The following UBXN6 variants were observed in gnomAD, a reference collection of about 807,000 sequenced individuals.
UBXN6 encodes the protein UBX domain-containing protein 6.
Under a neutral mutation model 51.4 loss-of-function variants are expected in UBXN6, and 44 were observed. The ratio of observed to expected loss-of-function variants is 0.86; its 90% CI spans 0.67 to 1.10. UBXN6 has a LOEUF of 1.10. UBXN6 is among the 50% of genes least tolerant of loss of function. UBXN6 has a pLI of 0.00. For missense variants in UBXN6, 672 were observed against 596.1 expected (o/e 1.13, Z -1.32); for synonymous variants, 316 against 263.2 (o/e 1.20, Z -1.94).
chr19:4,448,918 C>A (rs1974598561), intron 4 of UBXN6: 1 of 161,180 alleles, frequency 6.2e-6, no homozygotes, highest in Admixed American at 5.9e-5. Context: ...GCAGAGAGGA[C>A]ACAAATGAGT....
At chr19:4,456,134 C>T (rs892224825) in intron 1 of UBXN6, among the ~76,000 whole-genome samples, 1 of 152,004 alleles carries the variant, frequency 6.6e-6, no homozygotes, top group African/African-American at 2.4e-5. Flanking sequence ...ACCTTCCCCT[C>T]TCCGCCCAGG....
intron 2 of UBXN6, 101 bp from the exon 3 acceptor site, chr19:4,453,623 C>T (rs1599680603): frequency 2.2e-6 from 3 of 1,380,914 alleles, no homozygotes; most frequent in Admixed American, 3.9e-5. Context: ...GGGGGCCACG[C>T]ACACCGCCCC....
At chr19:4,448,066 C>T (rs1010166552) in intron 5 of UBXN6, 64 of 564,386 alleles carry the variant, frequency 1.1e-4, no homozygotes, top group Middle Eastern at 4.7e-4. Context: ...TCCACATGTT[C>T]CCCAAGGAAG....
intron 3 of UBXN6, among the ~76,000 whole-genome samples, 192 bp from the exon 4 acceptor site, chr19:4,452,684 A>G (rs1292184206): frequency 2.0e-5 from 3 of 152,190 alleles, no homozygotes; most frequent in South Asian, 2.1e-4. Flanking sequence ...TGGTATGTCA[A>G]ATGTCCCTGT....
chr19:4,457,740 GGCAC>G lies in UBXN6; in HGVS notation c.-47_-44del, dbSNP rs1974761540. 1 of 1,383,564 alleles carries G rather than the reference GGCAC, an allele frequency of 7.2e-7. No individual in the cohort carries two copies. Among genetic ancestry groups the G allele is most frequent in the African/African-American group, 1.5e-5 (1 of 66,160 alleles). The allele number at this position is 1,383,564 out of a possible 1,614,324, so 85.7% of individuals were successfully genotyped here. ...CGGCGGGGGGCCGCGGGGGCGGGGG[GGCAC>G]GGGGCCCAGTCGGGGACGGGGCCGC... On this transcript the variant is annotated 5_prime_UTR_variant, in exon 1 of 11. Coordinates refer to ENST00000301281, the MANE Select transcript of UBXN6 (RefSeq NM_025241.3).
In UBXN6 at chr19:4,447,635, G is replaced by A. The variant is rs758153656; in HGVS notation, c.540-10C>T. 6 of 1,613,824 alleles carry A rather than the reference G, an allele frequency of 3.7e-6. No individual in the cohort carries two copies. The highest frequency in any genetic ancestry group is 1.7e-5 in the Admixed American group (1 of 60,024). ...GATGTTGTCCAGGTACCTGGGGTAG[G>A]TGGAGAAGGTGAGTGGGGCACAGCC... is the stretch of plus-strand genomic sequence containing the variant. On this transcript the variant is annotated splice_polypyrimidine_tract_variant and intron_variant, in intron 5 of 10. Transcript: ENST00000301281.
At chr19:4,447,769 A>T (rs1461415439) in intron 5 of UBXN6, 144 bp from the exon 6 acceptor site, 4 of 782,616 alleles carry the variant, frequency 5.1e-6, no homozygotes, top group Non-Finnish European at 8.7e-6. Flanking sequence ...CGAGGGCAGC[A>T]GACCATCTCC....
Position 4,457,774 on chromosome 19 carries a change from G to A in UBXN6, c.-77C>T. On this transcript the variant is annotated 5_prime_UTR_variant, in exon 1 of 11. Coordinates refer to ENST00000301281, the MANE Select transcript of UBXN6 (RefSeq NM_025241.3). ...CCCAGTCGGGGACGGGGCCGCCGGA[G>A]ACCAGCCACCGGAAGAAAATTAAAA... 4 of 447,344 alleles carry A rather than the reference G, an allele frequency of 8.9e-6. No individual in the cohort carries two copies. Among genetic ancestry groups the A allele is most frequent in the South Asian group, 5.5e-5 (1 of 18,272 alleles). 27.7% of individuals were successfully genotyped at this position (447,344 alleles called of 1,614,324 possible). A position where few individuals can be genotyped will look rare whatever the true frequency, so the allele number is the denominator to read the frequency against.
intron 4 of UBXN6, 67 bp from the exon 5 acceptor site, chr19:4,448,482 G>A (rs1325791871): frequency 2.3e-6 from 3 of 1,301,458 alleles, no homozygotes; most frequent in Non-Finnish European, 3.2e-6. Context: ...CCGCTGCCCA[G>A]GTAACAGGGG....
chr19:4,445,372 C>G lies in UBXN6; in HGVS notation c.*126G>C. ...ATTCCACAGCTCCACGGCTGGCGCC[C>G]CTCCCGTGCCCATGGGGCAGAGCCA... On this transcript the variant is annotated 3_prime_UTR_variant, in exon 11 of 11. Transcript: ENST00000301281. 1 of 1,481,024 alleles carries G rather than the reference C, an allele frequency of 6.8e-7. No individual in the cohort carries two copies. Among genetic ancestry groups the G allele is most frequent in the South Asian group, 1.3e-5 (1 of 77,496 alleles). 91.7% of individuals were successfully genotyped at this position (1,481,024 alleles called of 1,614,324 possible). A position where few individuals can be genotyped will look rare whatever the true frequency, so the allele number is the denominator to read the frequency against.
At chr19:4,455,910 G>C (rs1273471475) in intron 1 of UBXN6, among the ~76,000 whole-genome samples, 1 of 152,050 alleles carries the variant, frequency 6.6e-6, no homozygotes, top group Non-Finnish European at 1.5e-5. Flanking sequence ...ACTCATCCAA[G>C]CACTCATCGC....
chr19:4,453,576 G>C (rs1324655522), intron 2 of UBXN6, 54 bp from the exon 3 acceptor site: 3 of 1,590,048 alleles, frequency 1.9e-6, no homozygotes, highest in Non-Finnish European at 2.6e-6. Context: ...GCACGCCGCT[G>C]TCCTGGCCCA....
At chr19:4,447,749 C>T in intron 5 of UBXN6, 124 bp from the exon 6 acceptor site, 1 of 956,666 alleles carries the variant, frequency 1.0e-6, no homozygotes. Flanking sequence ...GAAGAAGCGG[C>T]CCAGTGACGC....
At chr19:4,455,204 C>A in intron 1 of UBXN6, 3 of 985,556 alleles carry the variant, frequency 3.0e-6, no homozygotes, top group Non-Finnish European at 3.6e-6. Context: ...CCTCTCAGGC[C>A]CCTCCCATGA....
intron 1 of UBXN6, among the ~76,000 whole-genome samples, 176 bp downstream of exon 1, chr19:4,457,439 C>G (rs1210263915): frequency 3.1e-5 from 4 of 130,716 alleles, no homozygotes; most frequent in Middle Eastern, 3.7e-3. Flanking sequence ...CTCCCCCTGA[C>G]GCCCACCCTC....
At chr19:4,452,287 A>T in intron 4 of UBXN6, 77 bp downstream of exon 4, 2 of 1,574,732 alleles carry the variant, frequency 1.3e-6, no homozygotes, top group Non-Finnish European at 1.7e-6. Flanking sequence ...GATCTGTACC[A>T]CCTGGGCTTC....
chr19:4,457,776 C>T lies in UBXN6; in HGVS notation c.-79G>A. The T allele has an allele frequency of 1.8e-6, 1 of 555,170 alleles. No homozygotes were observed. The highest frequency in any genetic ancestry group is 2.6e-6 in the Non-Finnish European group (1 of 383,232). 34.4% of individuals were successfully genotyped at this position (555,170 alleles called of 1,614,324 possible). A position where few individuals can be genotyped will look rare whatever the true frequency, so the allele number is the denominator to read the frequency against. ...CAGTCGGGGACGGGGCCGCCGGAGA[C>T]CAGCCACCGGAAGAAAATTAAAAAA... On this transcript the variant is annotated 5_prime_UTR_variant, in exon 1 of 11. Coordinates refer to ENST00000301281, the MANE Select transcript of UBXN6 (RefSeq NM_025241.3).
chr19:4,446,385 GCACGCTCAGCCGCTC>G lies in UBXN6; in HGVS notation c.934_948del (p.Glu312_Val316del), dbSNP rs745444748. ...TTCTCCCGCATGGCCTTGGTCCGCA[GCACGCTCAGCCGCTC>G]CACCGCCTCGGACCTGCACACGCGG... On this transcript the variant is annotated inframe_deletion, in exon 9 of 11. Transcript: ENST00000301281. 1 of 1,577,040 alleles carries G rather than the reference GCACGCTCAGCCGCTC, an allele frequency of 6.3e-7. No homozygotes were observed. The highest frequency in any genetic ancestry group is 8.6e-7 in the Non-Finnish European group (1 of 1,168,530).
intron 4 of UBXN6, chr19:4,448,627 A>G: frequency 1.7e-6 from 1 of 587,134 alleles, no homozygotes; most frequent in Non-Finnish European, 3.0e-6. Context: ...AAGACCCAGC[A>G]GAACTCAAGT....
Sources: allele counts gnomAD v4.1 joint callset (sites outside exome capture counted in the v4.1 genomes callset), GRCh38; gene constraint gnomAD v4.1.1; transcripts MANE v1.5; gene names NCBI Gene and HGNC (gene_info 2026-07-23, HGNC 2026-07-21).